Variants in GNG7 observed in about 807,000 individuals in gnomAD.
GNG7 encodes G protein subunit gamma 7.
In GNG7, 1 loss-of-function variant was observed where a neutral mutation model predicts 4.0. The observed-to-expected ratio is 0.25, with a 90% CI of 0.09 to 1.18. The LOEUF (loss-of-function observed/expected upper bound fraction) is 1.18. Among genes scored for constraint, GNG7 ranks in the 50% most tolerant of loss-of-function variants. The pLI is 0.50. For missense variants in GNG7, 86 were observed against 91.9 expected, an observed-to-expected ratio of 0.94 and a Z score of 0.26; for synonymous variants, 34 against 36.9, an observed-to-expected ratio of 0.92 and a Z score of 0.29.
intron 3 of GNG7, among the ~76,000 whole-genome samples, chr19:2,532,479 A>G (rs1054898413): frequency 6.6e-6 from 1 of 152,208 alleles, no homozygotes; most frequent in Non-Finnish European, 1.5e-5. Context: ...AGCAAAAGAC[A>G]TAGAAGATGC....
chr19:2,547,079 C>T (rs978711684), intron 3 of GNG7, among the ~76,000 whole-genome samples: 1 of 151,022 alleles, frequency 6.6e-6, no homozygotes, highest in South Asian at 2.1e-4. Flanking sequence ...CGCATGCCCC[C>T]CCCCCAGAAA....
rs150297088 is a variant in GNG7, at chr19:2,662,728, G to C, written c.-134-16448C>G. On this transcript the variant is annotated intron_variant, in intron 1 of 4. Transcript: ENST00000382159. ...CCCCGTCCTTTTGAAGTTTTATGGA[G>C]GCTTTACTTCATAGGCATGACTGAT... 8.3e-3 allele frequency among the ~76,000 whole-genome samples: 1,264 copies of C among 152,160 alleles called. 6 individuals are homozygous for C. The highest frequency in any genetic ancestry group is 0.031 in the Middle Eastern group (9 of 294).
chr19:2,588,535 A>T (rs1599407888), intron 2 of GNG7, among the ~76,000 whole-genome samples: 1 of 152,228 alleles, frequency 6.6e-6, no homozygotes, highest in Admixed American at 6.5e-5. Flanking sequence ...GCAGGAGCCC[A>T]GGGCGGCGGC....
At chr19:2,655,552 A>C (rs544985989) in intron 1 of GNG7, among the ~76,000 whole-genome samples, 67 of 152,022 alleles carry the variant, frequency 4.4e-4, no homozygotes, top group African/African-American at 1.5e-3. Flanking sequence ...AAAATATAAA[A>C]ATTAGGCCGG....
chr19:2,575,719 G>A (rs1203928776), intron 2 of GNG7, among the ~76,000 whole-genome samples: 12 of 74,352 alleles, frequency 1.6e-4, no homozygotes, highest in African/African-American at 5.9e-4. Flanking sequence ...GCAGGCACAC[G>A]CAGACACGCA....
intron 1 of GNG7, among the ~76,000 whole-genome samples, chr19:2,657,926 G>A (rs772097863): frequency 7.9e-5 from 12 of 151,886 alleles, no homozygotes; most frequent in African/African-American, 1.9e-4. Flanking sequence ...TCTTTGCCTC[G>A]GCTGCCAAAC....
chr19:2,659,708 G>A (rs1983097902), intron 1 of GNG7, among the ~76,000 whole-genome samples: 1 of 141,312 alleles, frequency 7.1e-6, no homozygotes, highest in Admixed American at 7.2e-5. Context: ...GAGAGGGAGG[G>A]AGAGAGGAAG....
chr19:2,567,044 G>C (rs1487257593), intron 2 of GNG7, among the ~76,000 whole-genome samples: 2 of 150,636 alleles, frequency 1.3e-5, no homozygotes, highest in African/African-American at 4.9e-5. Context: ...GGCGGAGCTT[G>C]CAGTGAGCCG....
rs377379126 is a variant in GNG7, at chr19:2,546,288, G to A, written c.-38+8861C>T. Among the ~76,000 whole-genome samples the A allele has an allele frequency of 2.0e-5, 3 of 152,232 alleles. No homozygotes were observed. Among genetic ancestry groups the A allele is most frequent in the Non-Finnish European group, 2.9e-5 (2 of 68,036 alleles). On this transcript the variant is annotated intron_variant, in intron 3 of 4. Transcript: ENST00000382159. The surrounding 1 kb of genome is among the most constrained non-coding windows in gnomAD (Gnocchi z 6.3). ...TGCATGCAGAGACCCTGCACCCAGC[G>A]TGGGCACCCACCCTGCACCTGCAGC... is the stretch of plus-strand genomic sequence containing the variant.
chr19:2,513,682 T>G lies in GNG7; in HGVS notation c.*1340A>C. On this transcript the variant is annotated 3_prime_UTR_variant, in exon 5 of 5. Coordinates refer to ENST00000382159, the MANE Select transcript of GNG7 (RefSeq NM_052847.3). ...AGGGTAACGTTTTGAGCGGACGTTT[T>G]GATCTCCGGGACAACGTCTCACCTC... 2.0e-6 allele frequency: 1 copy of G among 494,550 alleles called. No individual in the cohort carries two copies. The highest frequency in any genetic ancestry group is 2.6e-6 in the Non-Finnish European group (1 of 381,734). The allele number at this position is 494,550 out of a possible 1,614,324, so 30.6% of individuals were successfully genotyped here.
intron 2 of GNG7, among the ~76,000 whole-genome samples, chr19:2,564,616 C>T (rs566647055): frequency 6.6e-6 from 1 of 151,988 alleles, no homozygotes; most frequent in South Asian, 2.1e-4. Context: ...TTTAGAGATG[C>T]AGAGGAGAGG....
intron 1 of GNG7, among the ~76,000 whole-genome samples, chr19:2,692,361 C>T (rs183049723): frequency 1.4e-3 from 208 of 151,882 alleles, no homozygotes; most frequent in Non-Finnish European, 2.4e-3. Context: ...GGAGGCCGGG[C>T]GCGGTGGCTC....
chr19:2,654,742 T>C (rs1982920261), intron 1 of GNG7, among the ~76,000 whole-genome samples: 1 of 152,128 alleles, frequency 6.6e-6, no homozygotes, highest in East Asian at 1.9e-4. Flanking sequence ...GAGACGCAAT[T>C]CAATTATTTT....
At chr19:2,568,705 TAG>T (rs1980040155) in intron 2 of GNG7, among the ~76,000 whole-genome samples, 1 of 145,514 alleles carries the variant, frequency 6.9e-6, no homozygotes. Context: ...ACATAAAATA[TAG>T]ACACACATAT....
At chr19:2,598,173 C>T (rs955772276) in intron 2 of GNG7, among the ~76,000 whole-genome samples, 16 of 151,184 alleles carry the variant, frequency 1.1e-4, no homozygotes, top group African/African-American at 3.7e-4. Context: ...TGTTACTCTA[C>T]TACAGAGGAG....
At chr19:2,687,472 C>T (rs1983900671) in intron 1 of GNG7, among the ~76,000 whole-genome samples, 1 of 151,368 alleles carries the variant, frequency 6.6e-6, no homozygotes, top group African/African-American at 2.4e-5. Flanking sequence ...CAAAATTAGC[C>T]AGGCATGGTG....
rs1419274805 is a variant in GNG7, at chr19:2,688,940, C to T, written c.-135+13706G>A. 2.6e-5 allele frequency among the ~76,000 whole-genome samples: 4 copies of T among 152,030 alleles called. No homozygotes were observed. In the East Asian group the frequency reaches 5.8e-4, roughly 22 times the overall value. On this transcript the variant is annotated intron_variant, in intron 1 of 4. Coordinates refer to ENST00000382159, the MANE Select transcript of GNG7 (RefSeq NM_052847.3). ...ATTAGCCAGGCACGGGGTTGCGTGC[C>T]TGTGGTCCCAGCTACTCAGGAGGCT...
At chr19:2,554,799 C>T (rs1480584006) in intron 3 of GNG7, among the ~76,000 whole-genome samples, 1 of 151,774 alleles carries the variant, frequency 6.6e-6, no homozygotes, top group East Asian at 1.9e-4. Flanking sequence ...AGGTGACCCA[C>T]CTGCCTCAGC....
In GNG7 at chr19:2,662,943, T is replaced by C. The variant is rs137887326; in HGVS notation, c.-134-16663A>G. 2.8e-4 allele frequency among the ~76,000 whole-genome samples: 42 copies of C among 152,244 alleles called. 1 individual carries two copies. The East Asian group carries it at 6.9e-3, about 25-fold the overall frequency. ...ATCATCATACAAAAAGACATGACTT[T>C]GCAGATTCCAAGGATTTTAGGAGTT... On this transcript the variant is annotated intron_variant, in intron 1 of 4. Transcript: ENST00000382159.
Sources: gnomAD v4.1 joint callset for allele counts (sites outside exome capture counted in the v4.1 genomes callset) on GRCh38, gnomAD v4.1.1 for gene constraint, Gnocchi (gnomAD v3.1) non-coding constraint, MANE v1.5 for transcripts, NCBI Gene and HGNC (gene_info 2026-07-23, HGNC 2026-07-21) for gene names.